The following ABTB2 variants were observed in gnomAD, a reference collection of about 807,000 sequenced individuals.
ABTB2 encodes ankyrin repeat and BTB domain containing 2, also known as ankyrin repeat and BTB/POZ domain-containing protein 2.
Under a neutral mutation model 104.1 loss-of-function variants are expected in ABTB2, and 56 were observed. The ratio of observed to expected loss-of-function variants is 0.54; its 90% CI spans 0.43 to 0.67. The LOEUF (loss-of-function observed/expected upper bound fraction) is 0.67. ABTB2 is among the 30% of genes least tolerant of loss of function. The probability of loss-of-function intolerance (pLI) is 0.00; values close to 1 mark genes in which losing one functional copy is unlikely to be tolerated. For missense variants in ABTB2, 1,279 were observed against 1,407.7 expected (o/e 0.91, Z 1.46); for synonymous variants, 606 against 608.2 (o/e 1.00, Z 0.05).
At chr11:34,195,976 G>T (rs930773760) in intron 3 of ABTB2, among the ~76,000 whole-genome samples, 2 of 152,174 alleles carry the variant, frequency 1.3e-5, no homozygotes, top group African/African-American at 4.8e-5. Context: ...CCCTCCAGGT[G>T]GGGCACTGAG....
At chr11:34,347,480 C>T (rs1855347258) in intron 1 of ABTB2, among the ~76,000 whole-genome samples, 1 of 151,514 alleles carries the variant, frequency 6.6e-6, no homozygotes, top group African/African-American at 2.4e-5. Context: ...AACTGTGGGC[C>T]TCAAGTCACT....
At chr11:34,153,034 C>A (rs1187413269) in intron 16 of ABTB2, among the ~76,000 whole-genome samples, 1 of 152,020 alleles carries the variant, frequency 6.6e-6, no homozygotes, top group Non-Finnish European at 1.5e-5. Flanking sequence ...TTGGGAGAGA[C>A]AGACAGAATC....
At chr11:34,327,935 G>C (rs1413120386) in intron 1 of ABTB2, among the ~76,000 whole-genome samples, 2 of 152,120 alleles carry the variant, frequency 1.3e-5, no homozygotes, top group East Asian at 3.8e-4. Context: ...CCAACTCCTC[G>C]CTGGCTGTTT....
Position 34,222,487 on chromosome 11 carries a change from A to C in ABTB2, c.884-17797T>G, listed in dbSNP as rs190947685. 3.4e-4 allele frequency among the ~76,000 whole-genome samples: 52 copies of C among 152,316 alleles called. 1 individual carries two copies. The East Asian group carries it at 3.7e-3, about 11-fold the overall frequency. On this transcript the variant is annotated intron_variant, in intron 1 of 16. Coordinates refer to ENST00000435224, the MANE Select transcript of ABTB2 (RefSeq NM_145804.3). Reference sequence around the variant, plus strand: ...AATTTTGGTTCACAGAGCCCTAAGCATCCGAGTGGGAGGTGAGGAGCCTCC... The same window carrying C: ...AATTTTGGTTCACAGAGCCCTAAGCCTCCGAGTGGGAGGTGAGGAGCCTCC...
chr11:34,205,056 T>TTCAC, intron 1 of ABTB2, among the ~76,000 whole-genome samples: 1 of 152,140 alleles, frequency 6.6e-6, no homozygotes, highest in African/African-American at 2.4e-5. Flanking sequence ...CAAGCATTCA[T>TTCAC]TCACTCGCTC....
At position 34,171,541 on chromosome 11, in the gene ABTB2, T is replaced by C. The variant is rs1590206080; in HGVS notation, c.1398-470A>G. Among the ~76,000 whole-genome samples the C allele has an allele frequency of 2.6e-5, 4 of 152,202 alleles. No individual in the cohort carries two copies. The South Asian group carries it at 8.3e-4, about 32-fold the overall frequency. On this transcript the variant is annotated intron_variant, in intron 4 of 16. Transcript: ENST00000435224. ...GTGAGCCGAGATTGTGCCACTGTAC[T>C]CCAGCCTGGACAATAGAGCAAGACT...
intron 3 of ABTB2, among the ~76,000 whole-genome samples, chr11:34,182,254 C>T (rs909689592): frequency 6.6e-6 from 1 of 152,226 alleles, no homozygotes; most frequent in African/African-American, 2.4e-5. Context: ...TCAGATTTCA[C>T]TCTGCACCAA....
intron 1 of ABTB2, among the ~76,000 whole-genome samples, chr11:34,277,649 T>TG (rs11431901): frequency 1 from 148,861 of 148,872 alleles, 74,425 homozygotes; most frequent in Middle Eastern, 1. Flanking sequence ...GGTGTGGTGG[T>TG]CACACCTGTA....
Position 34,356,601 on chromosome 11 carries a change from G to A in ABTB2, c.883+100C>T. ...CCAAACGTTTTCTCCCAAAGAACTG[G>A]CACAGCCACCAGCTTTGTCTCAGGA... On this transcript the variant is annotated intron_variant, in intron 1 of 16. Coordinates refer to ENST00000435224, the MANE Select transcript of ABTB2 (RefSeq NM_145804.3). This position sits in a 1 kb window ranked among gnomAD's most constrained non-coding sequence, Gnocchi z 4.6. 7.1e-7 allele frequency: 1 copy of A among 1,405,544 alleles called. No homozygotes were observed. The highest frequency in any genetic ancestry group is 1.5e-5 in the South Asian group (1 of 66,664). 87.1% of individuals were successfully genotyped at this position (1,405,544 alleles called of 1,614,324 possible).
intron 1 of ABTB2, among the ~76,000 whole-genome samples, chr11:34,248,657 T>C (rs1292467779): frequency 6.6e-6 from 1 of 152,220 alleles, no homozygotes; most frequent in African/African-American, 2.4e-5. Context: ...TCCCCTCAGC[T>C]TCCTTAAGAA....
chr11:34,352,827 G>A (rs1420816948), intron 1 of ABTB2, among the ~76,000 whole-genome samples: 8 of 152,150 alleles, frequency 5.3e-5, no homozygotes, highest in African/African-American at 9.7e-5. Context: ...AGGCTGAAGC[G>A]GGAGAATCCC....
intron 1 of ABTB2, among the ~76,000 whole-genome samples, chr11:34,248,859 G>C (rs1031456848): frequency 6.6e-6 from 1 of 152,226 alleles, no homozygotes; most frequent in Non-Finnish European, 1.5e-5. Context: ...AGCCGGGCGC[G>C]GTGGCTCACG....
intron 10 of ABTB2, among the ~76,000 whole-genome samples, chr11:34,162,099 T>C (rs924425582): frequency 6.6e-6 from 1 of 152,186 alleles, no homozygotes; most frequent in Non-Finnish European, 1.5e-5. Flanking sequence ...GAGGACGTGG[T>C]ATGCAGCTAA....
intron 1 of ABTB2, among the ~76,000 whole-genome samples, chr11:34,329,768 G>A (rs1036207611): frequency 1.3e-5 from 2 of 152,194 alleles, no homozygotes; most frequent in African/African-American, 4.8e-5. Context: ...AGGTACCAGT[G>A]AACCTCTGAG....
chr11:34,160,229 G>A lies in ABTB2; in HGVS notation c.2503+19C>T, dbSNP rs764305150. The A allele has an allele frequency of 1.2e-5, 19 of 1,585,870 alleles. No individual in the cohort carries two copies. The highest frequency in any genetic ancestry group is 4.5e-5 in the East Asian group (2 of 44,726). Reference sequence around the variant, plus strand: ...GGGAGGACGTGTGGTGATGCAGGGCGCAGGGGGCGCGCCTTCACCTAGCCT... The same window carrying A: ...GGGAGGACGTGTGGTGATGCAGGGCACAGGGGGCGCGCCTTCACCTAGCCT... On this transcript the variant is annotated intron_variant, in intron 12 of 16. Transcript: ENST00000435224.
At chr11:34,305,033 C>T (rs1207193111) in intron 1 of ABTB2, among the ~76,000 whole-genome samples, 2 of 152,310 alleles carry the variant, frequency 1.3e-5, no homozygotes, top group East Asian at 1.9e-4. Flanking sequence ...AATACCTAAG[C>T]AAGGTAATAC....
chr11:34,357,443 C>T lies in ABTB2; in HGVS notation c.141G>A (p.Gln47=). The change falls in exon 1 of 17, where the codon CAG becomes CAA. Residue 47 remains glutamine (Q), a synonymous_variant. Coordinates refer to ENST00000435224, the MANE Select transcript of ABTB2 (RefSeq NM_145804.3). The part of the protein sequence containing the change: ...SNSQALNSSA[Q]QHRGAAWWCY... ...ACCACCAGGCCGCCCCGCGGTGCTGCTGCGCCGAAGAGTTGAGCGCCTGCG... is the reference window on the plus strand; with the variant it reads ...ACCACCAGGCCGCCCCGCGGTGCTGTTGCGCCGAAGAGTTGAGCGCCTGCG... The T allele has an allele frequency of 6.5e-7, 1 of 1,548,642 alleles. No individual in the cohort carries two copies. Among genetic ancestry groups the T allele is most frequent in the Non-Finnish European group, 8.7e-7 (1 of 1,146,858 alleles).
chr11:34,152,505 G>A lies in ABTB2; in HGVS notation c.2960C>T (p.Ala987Val). Residue 987 changes from alanine (A) to valine (V), a missense_variant, in exon 17 of 17, where the codon GCC (alanine) becomes GTC (valine). Coordinates refer to ENST00000435224, the MANE Select transcript of ABTB2 (RefSeq NM_145804.3). ...KHMKALLEQD[A>V]FRQLIYGRSS... ...GCGGCCGTAGATGAGCTGCCGGAAG[G>A]CATCCTGCTCCAGTAGGGCCTTCAT... 6.2e-7 allele frequency: 1 copy of A among 1,610,754 alleles called. No individual in the cohort carries two copies. Among genetic ancestry groups the A allele is most frequent in the Non-Finnish European group, 8.5e-7 (1 of 1,179,144 alleles).
chr11:34,164,787 T>C lies in ABTB2; in HGVS notation c.1887A>G (p.Arg629=). ...GCATGCTGAGGAGGGGGTCGGCGCC[T>C]CGGCTCAGCAACAAACTGACCAGCT... ...NYELVSLLLS[R]GADPLLSMLE... Residue 629 remains arginine, a synonymous_variant, in exon 9 of 17, where the codon CGA becomes CGG. Coordinates refer to ENST00000435224, the MANE Select transcript of ABTB2 (RefSeq NM_145804.3). 6.3e-7 allele frequency: 1 copy of C among 1,578,012 alleles called. No individual in the cohort carries two copies. Among genetic ancestry groups the C allele is most frequent in the African/African-American group, 1.4e-5 (1 of 71,994 alleles).
Sources: allele counts gnomAD v4.1 joint callset (sites outside exome capture counted in the v4.1 genomes callset), GRCh38; gene constraint gnomAD v4.1.1; non-coding constraint Gnocchi (gnomAD v3.1); transcripts MANE v1.5; gene names NCBI Gene and HGNC (gene_info 2026-07-23, HGNC 2026-07-21).